Variants in MYOM2 observed in about 807,000 individuals in gnomAD.
MYOM2 encodes myomesin 2.
In MYOM2, 254 loss-of-function variants were observed where a neutral mutation model predicts 187.6. The observed-to-expected ratio is 1.35, with a 90% CI of 1.22 to 1.50. The LOEUF (loss-of-function observed/expected upper bound fraction) is 1.50. Ranked by LOEUF, MYOM2 falls within the 40% of genes most tolerant of loss-of-function variation. MYOM2 has a pLI of 0.00. For synonymous variants in MYOM2, 981 were observed against 753.8 expected, an observed-to-expected ratio of 1.30 and a Z score of -4.94; for missense variants, 2,796 against 1,924.0, an observed-to-expected ratio of 1.45 and a Z score of -8.48.
chr8:2,046,456 G>A (rs181347997), intron 1 of MYOM2, among the ~76,000 whole-genome samples: 5 of 152,286 alleles, frequency 3.3e-5, no homozygotes, highest in African/African-American at 4.8e-5. Context: ...GCCTGGGTTC[G>A]GCCGTGGCCC....
At chr8:2,084,191 TG>T (rs1819730182) in intron 13 of MYOM2, among the ~76,000 whole-genome samples, 1 of 152,220 alleles carries the variant, frequency 6.6e-6, no homozygotes, top group Non-Finnish European at 1.5e-5. Context: ...AGCAGGCCTG[TG>T]GGGTGTCCCC....
intron 19 of MYOM2, chr8:2,100,648 C>T (rs1269478597): frequency 1.1e-5 from 6 of 563,808 alleles, no homozygotes; most frequent in Admixed American, 6.0e-5. Flanking sequence ...AATGATTCTA[C>T]GTAGATCCAC....
chr8:2,049,559 C>T (rs1032331326), intron 1 of MYOM2, among the ~76,000 whole-genome samples: 1 of 152,172 alleles, frequency 6.6e-6, no homozygotes, highest in African/African-American at 2.4e-5. Flanking sequence ...AAGTCTCATA[C>T]CCATGGCCCG....
chr8:2,144,637 T>G, intron 36 of MYOM2, 27 bp from the exon 37 acceptor site: 1 of 1,608,434 alleles, frequency 6.2e-7, no homozygotes, highest in Non-Finnish European at 8.5e-7. Context: ...TAACTCTTCC[T>G]TCTCCACCAA....
At chr8:2,104,723 G>A (rs1353428767) in intron 21 of MYOM2, among the ~76,000 whole-genome samples, 4 of 152,128 alleles carry the variant, frequency 2.6e-5, no homozygotes, top group African/African-American at 2.4e-5. Flanking sequence ...CTCCGGTGAG[G>A]GCCTCCCGCT....
At chr8:2,064,424 C>T (rs912026927) in intron 6 of MYOM2, among the ~76,000 whole-genome samples, 3 of 152,204 alleles carry the variant, frequency 2.0e-5, no homozygotes, top group Admixed American at 6.5e-5. Context: ...CGGGGCGCCT[C>T]CTGCATGGAG....
chr8:2,117,062 C>T (rs1403930178), intron 27 of MYOM2, among the ~76,000 whole-genome samples: 1 of 152,104 alleles, frequency 6.6e-6, no homozygotes, highest in Admixed American at 6.5e-5. Context: ...TGCGCCCAGC[C>T]TCAAAAAACA....
Position 2,145,154 on chromosome 8 carries a change from A to G in MYOM2, c.*173A>G, listed in dbSNP as rs1563089234. 2.9e-6 allele frequency: 2 copies of G among 687,322 alleles called. No individual in the cohort carries two copies. The highest frequency in any genetic ancestry group is 1.8e-5 in the African/African-American group (1 of 55,392). The allele number at this position is 687,322 out of a possible 1,614,324, so 42.6% of individuals were successfully genotyped here. ...GGTGATGAATATTTTATACCCGTCT[A>G]AGGGAGAAAGCTAATGTTTTCCACA... On this transcript the variant is annotated 3_prime_UTR_variant, in exon 37 of 37. Coordinates refer to ENST00000262113, the MANE Select transcript of MYOM2 (RefSeq NM_003970.4).
At chr8:2,077,311 A>G (rs1819460737) in intron 11 of MYOM2, among the ~76,000 whole-genome samples, 1 of 152,162 alleles carries the variant, frequency 6.6e-6, no homozygotes, top group African/African-American at 2.4e-5. Context: ...TCCACCATCA[A>G]AAAAAACAAA....
At chr8:2,113,786 C>A (rs568909772) in intron 25 of MYOM2, among the ~76,000 whole-genome samples, 156 of 152,330 alleles carry the variant, frequency 1.0e-3, no homozygotes, top group African/African-American at 3.5e-3. Flanking sequence ...ACAGCCACCT[C>A]AATGCCACAG....
chr8:2,129,052 G>T, intron 31 of MYOM2, 75 bp from the exon 32 acceptor site: 1 of 1,108,008 alleles, frequency 9.0e-7, no homozygotes, highest in Non-Finnish European at 1.4e-6. Flanking sequence ...AGGAGGGCTT[G>T]CCGCCGCGAT....
At chr8:2,104,617 G>GA (rs1044799708) in intron 21 of MYOM2, among the ~76,000 whole-genome samples, 9 of 149,132 alleles carry the variant, frequency 6.0e-5, no homozygotes, top group Admixed American at 1.3e-4. Context: ...AAAAAAAAAA[G>GA]AAAAAAAAAG....
chr8:2,072,422 G>A lies in MYOM2; in HGVS notation c.871G>A (p.Glu291Lys). 6.2e-7 allele frequency: 1 copy of A among 1,614,188 alleles called. No homozygotes were observed. The highest frequency in any genetic ancestry group is 8.5e-7 in the Non-Finnish European group (1 of 1,180,042). ...LEKFGVTFRREGETVTLKCTM... is the reference protein window; with the variant it reads ...LEKFGVTFRRKGETVTLKCTM... The stretch of plus-strand genomic sequence containing the variant: ...GAAGTTTGGGGTCACCTTCAGGAGG[G>A]AAGGCGAGACGGTCACTCTCAAGTG... The change falls in exon 9 of 37, where the codon GAA becomes AAA. Residue 291 changes from glutamate (E) to lysine (K), a missense_variant. Physicochemically the swap from Glu to Lys is moderately conservative, Grantham distance 56. Transcript: ENST00000262113.
At chr8:2,114,616 T>C (rs1461548233) in intron 25 of MYOM2, among the ~76,000 whole-genome samples, 1 of 152,104 alleles carries the variant, frequency 6.6e-6, no homozygotes, top group Non-Finnish European at 1.5e-5. Flanking sequence ...ATTACAGGCG[T>C]GCGCCACCAC....
intron 32 of MYOM2, among the ~76,000 whole-genome samples, chr8:2,136,058 G>T (rs1026862592): frequency 5.3e-5 from 8 of 152,220 alleles, no homozygotes; most frequent in African/African-American, 1.9e-4. Flanking sequence ...GGCTGTCCAT[G>T]TTCTGTGAGT....
chr8:2,103,991 A>G (rs551673378), intron 21 of MYOM2, among the ~76,000 whole-genome samples: 4 of 152,284 alleles, frequency 2.6e-5, no homozygotes, highest in African/African-American at 9.6e-5. Context: ...GAAGTATGCA[A>G]TTAAATCTCT....
chr8:2,118,102 G>C (rs1202978416), intron 28 of MYOM2, 150 bp downstream of exon 28: 2 of 600,816 alleles, frequency 3.3e-6, no homozygotes, highest in East Asian at 5.7e-5. Flanking sequence ...AGTGGCTTTT[G>C]GGTCCTGTGG....
chr8:2,054,180 G>A (rs117394577), intron 3 of MYOM2, among the ~76,000 whole-genome samples: 1,808 of 152,264 alleles, frequency 0.012, 17 homozygotes, highest in Middle Eastern at 0.037. Context: ...TGGACAAGTT[G>A]GTCCTTTGCA....
chr8:2,082,722 C>A (rs1287312217), intron 13 of MYOM2, among the ~76,000 whole-genome samples: 2 of 152,238 alleles, frequency 1.3e-5, no homozygotes, highest in Non-Finnish European at 2.9e-5. Context: ...TACTGTTCTA[C>A]TGTGTTATTC....
Sources: gnomAD v4.1 joint callset for allele counts (sites outside exome capture counted in the v4.1 genomes callset) on GRCh38, gnomAD v4.1.1 for gene constraint, MANE v1.5 for transcripts, NCBI Gene and HGNC (gene_info 2026-07-23, HGNC 2026-07-21) for gene names.